Variants in OSBPL1A observed in about 807,000 individuals in gnomAD.
OSBPL1A encodes oxysterol binding protein like 1A, also known as oxysterol-binding protein-related protein 1.
OSBPL1A carries 80 observed loss-of-function variants against 137.1 expected under a neutral mutation model. The ratio of observed to expected loss-of-function variants is 0.58; its 90% CI spans 0.49 to 0.70. OSBPL1A has a LOEUF of 0.70. Ranked by LOEUF, OSBPL1A falls within the 30% of genes least tolerant of loss-of-function variation. The pLI is 0.00. For synonymous variants in OSBPL1A, 365 were observed against 389.7 expected, an observed-to-expected ratio of 0.94 and a Z score of 0.75; for missense variants, 970 against 1,129.4, an observed-to-expected ratio of 0.86 and a Z score of 2.02.
chr18:24,181,093 G>T, intron 19 of OSBPL1A, 52 bp downstream of exon 19: 2 of 1,581,292 alleles, frequency 1.3e-6, no homozygotes, highest in East Asian at 2.3e-5. Flanking sequence ...TTCGGGGCTG[G>T]GTTGGTAGCA....
chr18:24,367,315 A>C (rs2091716993), intron 3 of OSBPL1A, among the ~76,000 whole-genome samples: 1 of 151,816 alleles, frequency 6.6e-6, no homozygotes, highest in South Asian at 2.1e-4. Flanking sequence ...TAGGTAGAAA[A>C]ATAAAAAGTA....
At chr18:24,236,999 T>C (rs1019704025) in intron 16 of OSBPL1A, among the ~76,000 whole-genome samples, 5 of 152,142 alleles carry the variant, frequency 3.3e-5, no homozygotes, top group Non-Finnish European at 7.3e-5. Flanking sequence ...GGCTAGAGCT[T>C]ATAACACTGA....
chr18:24,163,323 G>T (rs1229309091), intron 27 of OSBPL1A, 42 bp from the exon 28 acceptor site: 2 of 1,396,096 alleles, frequency 1.4e-6, no homozygotes, highest in African/African-American at 2.9e-5. Flanking sequence ...GGAAACTATG[G>T]AAAATCACAG....
intron 1 of OSBPL1A, among the ~76,000 whole-genome samples, chr18:24,390,722 A>AG (rs1907290883): frequency 7.2e-6 from 1 of 138,592 alleles, no homozygotes; most frequent in Non-Finnish European, 1.6e-5. Flanking sequence ...AAAAAAAAAA[A>AG]GTCATTAAAT....
At chr18:24,278,745 G>A (rs958591278) in intron 15 of OSBPL1A, among the ~76,000 whole-genome samples, 4 of 151,926 alleles carry the variant, frequency 2.6e-5, no homozygotes, top group African/African-American at 7.3e-5. Flanking sequence ...AGTGAAATGC[G>A]GTTTTACAAG....
chr18:24,236,991 C>T (rs1339165532), intron 16 of OSBPL1A, among the ~76,000 whole-genome samples: 1 of 151,964 alleles, frequency 6.6e-6, no homozygotes, highest in East Asian at 1.9e-4. Context: ...AAAGAGTGGG[C>T]TAGAGCTTAT....
chr18:24,352,490 C>T (rs1031292382), intron 4 of OSBPL1A, among the ~76,000 whole-genome samples: 2 of 152,086 alleles, frequency 1.3e-5, no homozygotes, highest in Non-Finnish European at 2.9e-5. Flanking sequence ...GTCATACTGC[C>T]CAAGGTAATT....
intron 21 of OSBPL1A, among the ~76,000 whole-genome samples, chr18:24,176,474 A>AT (rs533631917): frequency 0.037 from 5,214 of 142,430 alleles, 219 homozygotes; most frequent in African/African-American, 0.12. Context: ...AAATACTTCT[A>AT]TTTTTTTTTT....
intron 18 of OSBPL1A, among the ~76,000 whole-genome samples, chr18:24,185,539 T>C (rs1366827462): frequency 1.3e-5 from 2 of 152,096 alleles, no homozygotes; most frequent in Non-Finnish European, 2.9e-5. Flanking sequence ...AAGGCTGGTC[T>C]TGAACTCCTG....
At chr18:24,200,972 G>T (rs1323764412) in intron 17 of OSBPL1A, among the ~76,000 whole-genome samples, 1 of 152,076 alleles carries the variant, frequency 6.6e-6, no homozygotes, top group East Asian at 1.9e-4. Flanking sequence ...TTCCCGAATG[G>T]TGTTGGATGG....
Position 24,169,669 on chromosome 18 carries a change from A to G in OSBPL1A, c.2418+658T>C, listed in dbSNP as rs140226553. On this transcript the variant is annotated intron_variant, in intron 24 of 27. Coordinates refer to ENST00000319481, the MANE Select transcript of OSBPL1A (RefSeq NM_080597.4). ...TGTGCTCGGAACCATTGTCTTGGTT[A>G]CTGGAAAGGAATCCGTCCTCAAATA... is the stretch of plus-strand genomic sequence containing the variant. 6.3e-3 allele frequency among the ~76,000 whole-genome samples: 954 copies of G among 152,320 alleles called. 7 individuals are homozygous for G. The highest frequency in any genetic ancestry group is 7.0e-3 in the Non-Finnish European group (479 of 68,020).
At chr18:24,378,396 T>C (rs182236712) in intron 1 of OSBPL1A, among the ~76,000 whole-genome samples, 110 of 152,336 alleles carry the variant, frequency 7.2e-4, no homozygotes, top group African/African-American at 2.4e-3. Context: ...AATTTGGCAA[T>C]ATCAAATAAA....
rs772102192 is a variant in OSBPL1A at position 24,303,717 on chromosome 18, T to C, written c.1094A>G (p.Lys365Arg). 3.7e-6 allele frequency: 6 copies of C among 1,612,058 alleles called. No individual in the cohort carries two copies. The highest frequency in any genetic ancestry group is 1.7e-5 in the Admixed American group (1 of 59,756). Residue 365 changes from lysine to arginine, a missense_variant and splice_region_variant, in exon 14 of 28, where the codon AAA becomes AGA. Lys to Arg is a conservative substitution (Grantham distance 26). Coordinates refer to ENST00000319481, the MANE Select transcript of OSBPL1A (RefSeq NM_080597.4). Reference sequence around the variant, plus strand: ...TAGTCGCTGTTGGCATGACTGTGCTTTCTGCAAAAAAAGAAAAGACAAAAT... The same window carrying C: ...TAGTCGCTGTTGGCATGACTGTGCTCTCTGCAAAAAAAGAAAAGACAAAAT... Reference protein sequence around the residue: ...SAADLKKSLEKAQSCQQRLDR... With the variant: ...SAADLKKSLERAQSCQQRLDR...
At chr18:24,278,182 GACA>G (rs1038905581) in intron 15 of OSBPL1A, among the ~76,000 whole-genome samples, 4 of 152,184 alleles carry the variant, frequency 2.6e-5, no homozygotes, top group African/African-American at 9.7e-5. Context: ...AAAAGATGAA[GACA>G]ACAAGGTTCA....
intron 14 of OSBPL1A, among the ~76,000 whole-genome samples, chr18:24,283,300 A>ATATATG (rs1208928264): frequency 1.7e-5 from 2 of 117,866 alleles, no homozygotes; most frequent in Non-Finnish European, 3.8e-5. Context: ...ATATATATAT[A>ATATATG]TATGTATATA....
intron 15 of OSBPL1A, among the ~76,000 whole-genome samples, chr18:24,276,155 T>C (rs140111388): frequency 1.8e-4 from 27 of 152,140 alleles, no homozygotes; most frequent in African/African-American, 6.0e-4. Context: ...CTTGGAAAAA[T>C]TGGTATGACT....
At chr18:24,243,672 T>A (rs977090096) in intron 15 of OSBPL1A, among the ~76,000 whole-genome samples, 2 of 152,210 alleles carry the variant, frequency 1.3e-5, no homozygotes, top group Non-Finnish European at 2.9e-5. Flanking sequence ...TGAGAGACAG[T>A]AAAAGGGGTT....
intron 16 of OSBPL1A, among the ~76,000 whole-genome samples, chr18:24,229,059 G>A (rs899247716): frequency 2.6e-5 from 4 of 151,986 alleles, no homozygotes; most frequent in Non-Finnish European, 5.9e-5. Flanking sequence ...AAATTAGCCC[G>A]GCATAGTGGC....
intron 14 of OSBPL1A, among the ~76,000 whole-genome samples, chr18:24,302,056 G>A (rs955546236): frequency 6.6e-6 from 1 of 151,852 alleles, no homozygotes; most frequent in Non-Finnish European, 1.5e-5. Context: ...GTGAAACCCC[G>A]TCTCTACTAA....
Sources: allele counts gnomAD v4.1 joint callset (sites outside exome capture counted in the v4.1 genomes callset), GRCh38; gene constraint gnomAD v4.1.1; transcripts MANE v1.5; gene names NCBI Gene and HGNC (gene_info 2026-07-23, HGNC 2026-07-21).